Variants in AGMO observed in about 807,000 individuals in gnomAD.
AGMO encodes alkylglycerol monooxygenase, also known as glyceryl-ether monooxygenase.
In AGMO, 75 loss-of-function variants were observed where a neutral mutation model predicts 60.2. The observed-to-expected ratio is 1.25, with a 90% CI of 1.03 to 1.51. The LOEUF (loss-of-function observed/expected upper bound fraction) is 1.51, where lower values mean the gene tolerates loss of function less well. AGMO is among the 40% of genes most tolerant of loss of function. The pLI, the probability that AGMO is intolerant of heterozygous loss-of-function variation, is 0.00. For synonymous variants in AGMO, 261 were observed against 177.1 expected, an observed-to-expected ratio of 1.47 and a Z score of -3.76; for missense variants, 763 against 525.5, an observed-to-expected ratio of 1.45 and a Z score of -4.42.
chr7:15,303,909 T>C (rs1214084051), intron 12 of AGMO, among the ~76,000 whole-genome samples: 1 of 152,154 alleles, frequency 6.6e-6, no homozygotes, highest in Non-Finnish European at 1.5e-5. Flanking sequence ...TCTCTTAAAC[T>C]TTTATCGTTA....
At chr7:15,173,712 G>A in the AGMO span, among the ~76,000 whole-genome samples, 24 of 151,880 alleles carry the variant, frequency 1.6e-4, no homozygotes, top group African/African-American at 5.3e-4. Context: ...GGAATAAAAT[G>A]GAAGTTAGGA....
rs527463907 is a variant in AGMO, at chr7:15,270,596, A to ATTT, written c.1264-69240_1264-69238dup. 1.1e-3 allele frequency among the ~76,000 whole-genome samples: 52 copies of ATTT among 48,038 alleles called. 1 individual carries two copies. Among genetic ancestry groups the ATTT allele is most frequent in the South Asian group, 2.4e-3 (2 of 844 alleles). 31.5% of individuals were successfully genotyped at this position (48,038 alleles called of 152,430 possible). A position where few individuals can be genotyped will look rare whatever the true frequency, so the allele number is the denominator to read the frequency against. On this transcript the variant is annotated intron_variant, in intron 12 of 12. Coordinates refer to ENST00000342526, the MANE Select transcript of AGMO (RefSeq NM_001004320.2). ...ATTAAACAAATTTAATCTGTTGATA[A>ATTT]TTTTTTTTTTTTTTTTTTTTTTTTT...
the AGMO span, among the ~76,000 whole-genome samples, chr7:15,132,991 C>G: frequency 2.6e-5 from 4 of 152,102 alleles, no homozygotes; most frequent in African/African-American, 9.7e-5. Context: ...CAACCTTTGA[C>G]AGAACCATTT....
intron 5 of AGMO, among the ~76,000 whole-genome samples, chr7:15,407,013 A>G (rs1784719864): frequency 7.0e-6 from 1 of 142,376 alleles, no homozygotes; most frequent in African/African-American, 2.5e-5. Flanking sequence ...ATATACATAT[A>G]TATGTGTATA....
intron 12 of AGMO, among the ~76,000 whole-genome samples, chr7:15,292,751 C>CTTTTTT (rs765222435): frequency 1.3e-4 from 12 of 95,126 alleles, no homozygotes; most frequent in South Asian, 3.9e-4. Flanking sequence ...TTTTTTTTTC[C>CTTTTTT]TTTTTTTTTT....
intron 12 of AGMO, among the ~76,000 whole-genome samples, chr7:15,247,660 G>A (rs1474385954): frequency 1.3e-5 from 2 of 152,020 alleles, no homozygotes; most frequent in African/African-American, 4.8e-5. Flanking sequence ...AAAAGAAAAG[G>A]AGCATATTCT....
In AGMO at chr7:15,331,086, A is replaced by G. The variant is rs184728673; in HGVS notation, c.1263+34428T>C. 1.1e-4 allele frequency among the ~76,000 whole-genome samples: 17 copies of G among 152,250 alleles called. No homozygotes were observed. In the East Asian group the frequency reaches 2.5e-3, roughly 23 times the overall value. ...TGAGAACCTTTGGGCAATCAAGCAG[A>G]GAGATCTATATAGGAGTAAAGGAGG... On this transcript the variant is annotated intron_variant, in intron 12 of 12. Transcript: ENST00000342526.
intron 3 of AGMO, among the ~76,000 whole-genome samples, chr7:15,534,175 T>C (rs912484146): frequency 2.0e-4 from 30 of 151,974 alleles, no homozygotes; most frequent in African/African-American, 7.2e-4. Flanking sequence ...TCCTAGGTTC[T>C]CGAAAAGACA....
Position 15,268,284 on chromosome 7 carries a change from A to C in AGMO, c.1264-66925T>G, listed in dbSNP as rs529805305. On this transcript the variant is annotated intron_variant, in intron 12 of 12. Coordinates refer to ENST00000342526, the MANE Select transcript of AGMO (RefSeq NM_001004320.2). The stretch of plus-strand genomic sequence containing the variant: ...CTTTAAGGAATACTCTAAGTTTTAA[A>C]AGCCTTTCCTTTATTACCTCTCAAG... Among the ~76,000 whole-genome samples, 54 of 152,078 alleles carry C rather than the reference A, an allele frequency of 3.6e-4. 1 individual carries two copies. Among genetic ancestry groups the C allele is most frequent in the African/African-American group, 1.3e-3 (52 of 41,524 alleles).
At chr7:15,336,497 C>G (rs1368645866) in intron 12 of AGMO, among the ~76,000 whole-genome samples, 1 of 151,844 alleles carries the variant, frequency 6.6e-6, no homozygotes, top group African/African-American at 2.4e-5. Context: ...CAAAATCAAT[C>G]TTACTAATTC....
At chr7:15,282,286 G>A (rs898338425) in intron 12 of AGMO, among the ~76,000 whole-genome samples, 2 of 151,798 alleles carry the variant, frequency 1.3e-5, no homozygotes, top group Admixed American at 6.6e-5. Flanking sequence ...GCTACTCAAG[G>A]AGATATCAAG....
intron 4 of AGMO, among the ~76,000 whole-genome samples, chr7:15,427,949 C>T (rs1229446313): frequency 2.8e-5 from 2 of 72,394 alleles, no homozygotes; most frequent in African/African-American, 1.0e-4. Context: ...AAAAGTTGTG[C>T]TGTTCTAATT....
At chr7:15,270,415 T>C (rs1387696259) in intron 12 of AGMO, among the ~76,000 whole-genome samples, 2 of 152,014 alleles carry the variant, frequency 1.3e-5, no homozygotes, top group Non-Finnish European at 2.9e-5. Flanking sequence ...GCCACTTGTA[T>C]GTCTTCCTTT....
intron 12 of AGMO, among the ~76,000 whole-genome samples, chr7:15,354,480 GTGTA>G (rs1391273255): frequency 0.075 from 1,317 of 17,482 alleles, 211 homozygotes; most frequent in Middle Eastern, 0.1. Flanking sequence ...ATACACACGT[GTGTA>G]TATACACACG....
At chr7:15,494,765 G>C (rs1783178186) in intron 3 of AGMO, among the ~76,000 whole-genome samples, 1 of 152,200 alleles carries the variant, frequency 6.6e-6, no homozygotes, top group African/African-American at 2.4e-5. Context: ...TTTTGCACAA[G>C]CATAGAAATA....
chr7:15,141,879 C>A, the AGMO span, among the ~76,000 whole-genome samples: 4 of 152,132 alleles, frequency 2.6e-5, no homozygotes, highest in Admixed American at 1.3e-4. Context: ...AGGATTCTCA[C>A]TCTGCCAGGT....
chr7:15,157,579 C>T, the AGMO span, among the ~76,000 whole-genome samples: 1 of 152,300 alleles, frequency 6.6e-6, no homozygotes, highest in African/African-American at 2.4e-5. Context: ...ACTCCCACCC[C>T]TGTAGACACA....
chr7:15,440,223 C>A (rs373923652), intron 3 of AGMO, among the ~76,000 whole-genome samples: 3 of 152,204 alleles, frequency 2.0e-5, no homozygotes, highest in East Asian at 3.9e-4. Flanking sequence ...TTTATACAGG[C>A]AGATCTGAGA....
chr7:15,333,002 C>A (rs1460767273), intron 12 of AGMO, among the ~76,000 whole-genome samples: 3 of 152,094 alleles, frequency 2.0e-5, no homozygotes, highest in Admixed American at 1.3e-4. Flanking sequence ...TCTCTGGCAA[C>A]AGAAACTCTT....
Sources: allele counts gnomAD v4.1 joint callset (sites outside exome capture counted in the v4.1 genomes callset), GRCh38; gene constraint gnomAD v4.1.1; transcripts MANE v1.5; gene names NCBI Gene and HGNC (gene_info 2026-07-23, HGNC 2026-07-21).